The following UGT1A8 variants were observed in gnomAD, a reference collection of about 807,000 sequenced individuals.
UGT1A8 encodes the protein UDP-glucuronosyltransferase 1A8.
Under a neutral mutation model 45.3 loss-of-function variants are expected in UGT1A8, and 39 were observed. The ratio of observed to expected loss-of-function variants is 0.86; its 90% CI spans 0.67 to 1.12. The LOEUF (loss-of-function observed/expected upper bound fraction) is 1.12, where lower values mean the gene tolerates loss of function less well. Among genes scored for constraint, UGT1A8 ranks in the 50% most tolerant of loss-of-function variants. The pLI, the probability that UGT1A8 is intolerant of heterozygous loss-of-function variation, is 0.00. For synonymous variants in UGT1A8, 275 were observed against 249.2 expected (o/e 1.10, Z -0.97); for missense variants, 719 against 664.9 (o/e 1.08, Z -0.90).
intron 1 of UGT1A8, among the ~76,000 whole-genome samples, chr2:233,641,098 C>T (rs1470682038): frequency 6.6e-6 from 1 of 152,198 alleles, no homozygotes; most frequent in Non-Finnish European, 1.5e-5. Context: ...CTCTGCAGCA[C>T]AAGCACCATC....
chr2:233,656,093 G>A (rs1236889813), intron 1 of UGT1A8, among the ~76,000 whole-genome samples: 2 of 152,006 alleles, frequency 1.3e-5, no homozygotes, highest in African/African-American at 4.8e-5. Flanking sequence ...GAACAAACAG[G>A]GTAAACATAC....
intron 1 of UGT1A8, among the ~76,000 whole-genome samples, chr2:233,726,972 A>C (rs1406069474): frequency 6.6e-6 from 1 of 152,130 alleles, no homozygotes; most frequent in Admixed American, 6.5e-5. Flanking sequence ...CAAAAGTTTT[A>C]GATTTTGATG....
At chr2:233,618,638 G>A (rs957001983) in intron 1 of UGT1A8, 76 bp downstream of exon 1, 48 of 1,523,194 alleles carry the variant, frequency 3.2e-5, no homozygotes, top group Middle Eastern at 3.6e-4. Context: ...ACTGAATTGT[G>A]ATTTGACATT....
intron 1 of UGT1A8, chr2:233,719,331 T>C: frequency 6.2e-7 from 1 of 1,613,868 alleles, no homozygotes; most frequent in Non-Finnish European, 8.5e-7. Flanking sequence ...TCCTGCTGTG[T>C]TTTTTTGGAG....
intron 1 of UGT1A8, chr2:233,692,753 T>G: frequency 8.8e-7 from 1 of 1,135,016 alleles, no homozygotes. Context: ...AGCAGACTTG[T>G]GGAGCTGAAG....
chr2:233,696,584 C>A (rs1165044869), intron 1 of UGT1A8, among the ~76,000 whole-genome samples: 1 of 150,482 alleles, frequency 6.6e-6, no homozygotes, highest in Non-Finnish European at 1.5e-5. Context: ...AATTTGACTT[C>A]TTCCTTTCCA....
intron 1 of UGT1A8, among the ~76,000 whole-genome samples, chr2:233,724,428 T>C (rs2077257386): frequency 7.8e-6 from 1 of 128,780 alleles, no homozygotes; most frequent in African/African-American, 3.1e-5. Flanking sequence ...GCGGAGAGGC[T>C]CCTCACTTCT....
chr2:233,695,617 T>G (rs1477124343), intron 1 of UGT1A8, among the ~76,000 whole-genome samples: 1 of 152,064 alleles, frequency 6.6e-6, no homozygotes, highest in Non-Finnish European at 1.5e-5. Context: ...CAATGAACTC[T>G]CTACCTCCAT....
intron 1 of UGT1A8, chr2:233,636,711 T>C (rs769826988): frequency 1.9e-6 from 3 of 1,614,054 alleles, no homozygotes; most frequent in Admixed American, 1.7e-5. Flanking sequence ...CAGAGGTGAG[T>C]TGGCAACTGG....
chr2:233,655,778 G>T (rs2125481934), intron 1 of UGT1A8, among the ~76,000 whole-genome samples: 1 of 152,288 alleles, frequency 6.6e-6, no homozygotes, highest in South Asian at 2.1e-4. Context: ...CAAGAGCAAT[G>T]CTAAGTGGGG....
intron 1 of UGT1A8, chr2:233,648,040 T>C: frequency 6.3e-7 from 1 of 1,593,666 alleles, no homozygotes; most frequent in Non-Finnish European, 8.6e-7. Flanking sequence ...ACTGGGAAGA[T>C]CACTGAATTG....
chr2:233,668,367 G>A (rs28970003), intron 1 of UGT1A8, among the ~76,000 whole-genome samples: 4,634 of 152,136 alleles, frequency 0.03, 221 homozygotes, highest in African/African-American at 0.1. Flanking sequence ...CATCCATGTC[G>A]CTACAAAGGA....
chr2:233,761,696 T>G (rs1228722840), intron 1 of UGT1A8, among the ~76,000 whole-genome samples: 1 of 152,214 alleles, frequency 6.6e-6, no homozygotes, highest in East Asian at 1.9e-4. Context: ...TACAGAAAGG[T>G]TGTAGGTTTC....
At chr2:233,691,527 A>G (rs2075047023) in intron 1 of UGT1A8, 2 of 985,494 alleles carry the variant, frequency 2.0e-6, no homozygotes, top group Admixed American at 6.1e-5. Context: ...GTGCATGACT[A>G]GCTCTGGGCA....
intron 1 of UGT1A8, among the ~76,000 whole-genome samples, chr2:233,694,754 C>CT (rs1277043555): frequency 3.3e-5 from 5 of 152,146 alleles, no homozygotes; most frequent in Admixed American, 1.3e-4. Flanking sequence ...GCAGTAGCCA[C>CT]TGTGAAAAGG....
intron 4 of UGT1A8, 141 bp from the exon 5 acceptor site, chr2:233,772,121 A>G (rs1700464969): frequency 3.3e-6 from 5 of 1,536,424 alleles, no homozygotes; most frequent in East Asian, 2.5e-5. Flanking sequence ...TCTAAAAACA[A>G]CAACAACAAC....
At chr2:233,668,053 G>C (rs1213067547) in intron 1 of UGT1A8, among the ~76,000 whole-genome samples, 3 of 107,630 alleles carry the variant, frequency 2.8e-5, no homozygotes, top group Non-Finnish European at 5.6e-5. Flanking sequence ...TTAGTTTACT[G>C]TGCACATTTT....
At chr2:233,729,404 T>C (rs2077851412) in intron 1 of UGT1A8, 1 of 1,613,884 alleles carries the variant, frequency 6.2e-7, no homozygotes, top group East Asian at 2.2e-5. Flanking sequence ...GATCGCCATG[T>C]GCTGGGCCAC....
In UGT1A8 at chr2:233,754,644, T is replaced by G. The variant is rs1255750118; in HGVS notation, c.856-12390T>G. 6 of 449,562 alleles carry G rather than the reference T, an allele frequency of 1.3e-5. No individual in the cohort carries two copies. In the Admixed American group the frequency reaches 1.5e-4, roughly 11 times the overall value. 27.8% of individuals were successfully genotyped at this position (449,562 alleles called of 1,614,324 possible). A position where few individuals can be genotyped will look rare whatever the true frequency, so the allele number is the denominator to read the frequency against. On this transcript the variant is annotated intron_variant, in intron 1 of 4. Coordinates refer to ENST00000373450, the MANE Select transcript of UGT1A8 (RefSeq NM_019076.5). ...CACTTCCACCCTTTCTTGGCCATTCTCAATGATTCTCTTGGTGGTGATTTT... is the reference window on the plus strand; with the variant it reads ...CACTTCCACCCTTTCTTGGCCATTCGCAATGATTCTCTTGGTGGTGATTTT...
Sources: allele counts gnomAD v4.1 joint callset (sites outside exome capture counted in the v4.1 genomes callset), GRCh38; gene constraint gnomAD v4.1.1; transcripts MANE v1.5; gene names NCBI Gene and HGNC (gene_info 2026-07-23, HGNC 2026-07-21).